Variants in CLVS1 observed in about 807,000 individuals in gnomAD.
CLVS1 encodes clavesin-1.
In CLVS1, 10 loss-of-function variants were observed where a neutral mutation model predicts 33.1. That is an observed-to-expected ratio of 0.30 (90% CI 0.19 to 0.51). The LOEUF is 0.51. Among genes scored for constraint, CLVS1 ranks in the 20% least tolerant of loss-of-function variants. CLVS1 has a pLI of 0.97. For synonymous variants in CLVS1, 163 were observed against 166.1 expected, an observed-to-expected ratio of 0.98 and a Z score of 0.14; for missense variants, 343 against 433.4, an observed-to-expected ratio of 0.79 and a Z score of 1.85.
At chr8:61,160,693 T>C (rs1330441460) in intron 2 of CLVS1, among the ~76,000 whole-genome samples, 1 of 152,196 alleles carries the variant, frequency 6.6e-6, no homozygotes, top group East Asian at 1.9e-4. Flanking sequence ...TTGGTGGGCA[T>C]TTACTTTTCA....
intron 2 of CLVS1, among the ~76,000 whole-genome samples, chr8:61,341,921 T>C (rs1016345706): frequency 4.6e-5 from 7 of 152,246 alleles, no homozygotes; most frequent in Admixed American, 3.3e-4. Context: ...GGGCTTTTAG[T>C]GCTGTGCATT....
At chr8:61,422,109 G>A in intron 3 of CLVS1, among the ~76,000 whole-genome samples, 1 of 141,654 alleles carries the variant, frequency 7.1e-6, no homozygotes, top group Non-Finnish European at 1.5e-5. Context: ...TTTTTTTTTT[G>A]AAGAACATTT....
chr8:61,256,550 C>CA (rs1476771715), intron 2 of CLVS1, among the ~76,000 whole-genome samples: 2 of 151,548 alleles, frequency 1.3e-5, no homozygotes, highest in African/African-American at 4.8e-5. Flanking sequence ...CAAAAGAAAA[C>CA]AAAATATTAT....
intron 2 of CLVS1, among the ~76,000 whole-genome samples, chr8:61,180,017 T>C (rs1033907845): frequency 1.3e-5 from 2 of 151,814 alleles, no homozygotes; most frequent in African/African-American, 4.8e-5. Flanking sequence ...AATAGAAACA[T>C]GAGAAACCCT....
chr8:61,193,825 T>A (rs1807546712), intron 2 of CLVS1, among the ~76,000 whole-genome samples: 1 of 152,056 alleles, frequency 6.6e-6, no homozygotes, highest in Non-Finnish European at 1.5e-5. Context: ...GCTTAGGAAG[T>A]GTTAAATATT....
chr8:61,007,760 A>ACACAGG, the CLVS1 span, among the ~76,000 whole-genome samples: 1 of 152,236 alleles, frequency 6.6e-6, no homozygotes, highest in African/African-American at 2.4e-5. Context: ...GACGTGCAGG[A>ACACAGG]CACAGTGGCC....
intron 2 of CLVS1, among the ~76,000 whole-genome samples, chr8:61,249,268 G>T (rs910364831): frequency 6.6e-6 from 1 of 152,090 alleles, no homozygotes; most frequent in Non-Finnish European, 1.5e-5. Flanking sequence ...TATTATGGCC[G>T]TATAGTATTC....
chr8:61,008,229 T>C, the CLVS1 span, among the ~76,000 whole-genome samples: 1 of 134,066 alleles, frequency 7.5e-6, no homozygotes, highest in African/African-American at 2.5e-5. Flanking sequence ...ATTTAAGCTT[T>C]GTTTTTTTCA....
intron 1 of CLVS1, among the ~76,000 whole-genome samples, chr8:61,298,381 G>A (rs963112420): frequency 9.9e-5 from 15 of 152,078 alleles, no homozygotes; most frequent in African/African-American, 3.6e-4. Context: ...TTGCAAAGCC[G>A]ATATTTTATA....
At chr8:61,086,899 T>C (rs1805136706) in intron 1 of CLVS1, among the ~76,000 whole-genome samples, 1 of 152,194 alleles carries the variant, frequency 6.6e-6, no homozygotes, top group African/African-American at 2.4e-5. Flanking sequence ...AAGCAGGTAA[T>C]ATTCTCCCCA....
At chr8:61,011,712 G>A in the CLVS1 span, among the ~76,000 whole-genome samples, 1 of 152,296 alleles carries the variant, frequency 6.6e-6, no homozygotes, top group Admixed American at 6.5e-5. Context: ...GTCCCAAAGT[G>A]CTGGGATTAC....
the CLVS1 span, among the ~76,000 whole-genome samples, chr8:61,046,648 A>G: frequency 6.6e-6 from 1 of 151,756 alleles, no homozygotes; most frequent in African/African-American, 2.4e-5. Flanking sequence ...ATTTGTTTGT[A>G]TCCTCTTTTA....
intron 2 of CLVS1, among the ~76,000 whole-genome samples, chr8:61,348,719 G>A (rs1812329963): frequency 6.6e-6 from 1 of 152,024 alleles, no homozygotes; most frequent in South Asian, 2.1e-4. Flanking sequence ...CTGATTTCAT[G>A]TCCTTTGACT....
intron 3 of CLVS1, among the ~76,000 whole-genome samples, chr8:61,414,390 G>A (rs1462263186): frequency 6.9e-6 from 1 of 145,984 alleles, no homozygotes; most frequent in Non-Finnish European, 1.5e-5. Flanking sequence ...AGCTTCACTT[G>A]GAATTTACCG....
At chr8:61,153,512 G>A (rs915558115) in intron 2 of CLVS1, among the ~76,000 whole-genome samples, 1 of 152,212 alleles carries the variant, frequency 6.6e-6, no homozygotes, top group Non-Finnish European at 1.5e-5. Flanking sequence ...AAAATAAGAA[G>A]TGCTGCTTTG....
chr8:61,016,717 C>G, the CLVS1 span, among the ~76,000 whole-genome samples: 1 of 152,272 alleles, frequency 6.6e-6, no homozygotes, highest in South Asian at 2.1e-4. Flanking sequence ...TTTGTGCATG[C>G]AAGTGGTGAG....
At chr8:61,385,730 A>C (rs1814056917) in intron 3 of CLVS1, among the ~76,000 whole-genome samples, 1 of 152,142 alleles carries the variant, frequency 6.6e-6, no homozygotes, top group African/African-American at 2.4e-5. Flanking sequence ...ATTTTTTCAT[A>C]ATGTAACAGT....
At chr8:61,251,388 T>C (rs577245821) in intron 2 of CLVS1, among the ~76,000 whole-genome samples, 191 of 152,300 alleles carry the variant, frequency 1.3e-3, no homozygotes, top group African/African-American at 4.3e-3. Flanking sequence ...TTTTGTGGTG[T>C]CTCTGCCAGG....
intron 2 of CLVS1, among the ~76,000 whole-genome samples, chr8:61,357,797 T>G (rs1585854146): frequency 6.6e-6 from 1 of 152,210 alleles, no homozygotes; most frequent in East Asian, 1.9e-4. Context: ...CCTCAGGTGA[T>G]CCACCATCCC....
Sources: allele counts gnomAD v4.1 joint callset (sites outside exome capture counted in the v4.1 genomes callset), GRCh38; gene constraint gnomAD v4.1.1; transcripts MANE v1.5; gene names NCBI Gene and HGNC (gene_info 2026-07-23, HGNC 2026-07-21).